Variants in ANO10 observed in about 807,000 individuals in gnomAD.
ANO10 encodes anoctamin 10.
In ANO10, 77 loss-of-function variants were observed where a neutral mutation model predicts 74.7. The ratio of observed to expected loss-of-function variants is 1.03; its 90% CI spans 0.86 to 1.25. ANO10 has a LOEUF of 1.25. Ranked by LOEUF, ANO10 falls within the 50% of genes most tolerant of loss-of-function variation. ANO10 has a pLI of 0.00. For synonymous variants in ANO10, 279 were observed against 284.9 expected, an observed-to-expected ratio of 0.98 and a Z score of 0.21; for missense variants, 721 against 778.1, an observed-to-expected ratio of 0.93 and a Z score of 0.87.
chr3:43,453,322 G>A (rs2074967707), intron 11 of ANO10, among the ~76,000 whole-genome samples: 1 of 151,828 alleles, frequency 6.6e-6, no homozygotes, highest in Non-Finnish European at 1.5e-5. Context: ...TGGGACTACA[G>A]GCACCCGCCA....
chr3:43,680,463 A>T (rs1273766563), intron 1 of ANO10, among the ~76,000 whole-genome samples: 1 of 152,228 alleles, frequency 6.6e-6, no homozygotes, highest in Non-Finnish European at 1.5e-5. Context: ...TGATTGCTGT[A>T]CCTGAAAGTG....
chr3:43,640,533 T>C (rs914568390), intron 1 of ANO10, among the ~76,000 whole-genome samples: 10 of 152,158 alleles, frequency 6.6e-5, no homozygotes, highest in Non-Finnish European at 1.0e-4. Context: ...ACCCATCCCA[T>C]GCACTAAAAA....
At chr3:43,578,416 C>G (rs1383250268) in intron 5 of ANO10, among the ~76,000 whole-genome samples, 2 of 152,160 alleles carry the variant, frequency 1.3e-5, no homozygotes, top group Non-Finnish European at 2.9e-5. Context: ...CATGCCTAGC[C>G]TTCACCATCG....
intron 12 of ANO10, among the ~76,000 whole-genome samples, chr3:43,403,851 G>A (rs1342990464): frequency 6.6e-6 from 1 of 152,076 alleles, no homozygotes; most frequent in Non-Finnish European, 1.5e-5. Context: ...TACCTGTGGT[G>A]GACACACCCT....
At chr3:43,392,591 G>A (rs769014006) in intron 12 of ANO10, among the ~76,000 whole-genome samples, 2 of 152,258 alleles carry the variant, frequency 1.3e-5, no homozygotes, top group East Asian at 3.9e-4. Context: ...GCTCACACAC[G>A]TGTGTTTATC....
intron 5 of ANO10, 79 bp downstream of exon 5, chr3:43,580,274 G>A (rs772062224): frequency 4.7e-5 from 75 of 1,588,736 alleles, no homozygotes; most frequent in Non-Finnish European, 6.1e-5. Flanking sequence ...TCTGCCCAAG[G>A]GAGCTGACTC....
At chr3:43,573,609 A>C (rs147199524) in intron 7 of ANO10, among the ~76,000 whole-genome samples, 1 of 152,344 alleles carries the variant, frequency 6.6e-6, no homozygotes, top group African/African-American at 2.4e-5. Flanking sequence ...CACTTATGTT[A>C]CAGATGACTG....
intron 11 of ANO10, among the ~76,000 whole-genome samples, chr3:43,503,457 A>T (rs181982837): frequency 1.3e-5 from 2 of 152,312 alleles, no homozygotes; most frequent in South Asian, 2.1e-4. Flanking sequence ...AGGCCCATAG[A>T]TCAAATGTGA....
At chr3:43,685,797 T>A (rs889782012) in intron 1 of ANO10, among the ~76,000 whole-genome samples, 3 of 152,276 alleles carry the variant, frequency 2.0e-5, no homozygotes, top group Non-Finnish European at 2.9e-5. Context: ...AAGGCTTTTT[T>A]CATCACTTTC....
intron 11 of ANO10, among the ~76,000 whole-genome samples, chr3:43,470,284 A>G (rs767830288): frequency 3.9e-5 from 6 of 152,222 alleles, no homozygotes; most frequent in Non-Finnish European, 7.3e-5. Flanking sequence ...AAAACTATAG[A>G]GACAGTGAAA....
At chr3:43,611,978 T>C (rs2082840076) in intron 1 of ANO10, among the ~76,000 whole-genome samples, 1 of 151,686 alleles carries the variant, frequency 6.6e-6, no homozygotes, top group Non-Finnish European at 1.5e-5. Flanking sequence ...AAATTCAAAG[T>C]TATCATAGAC....
rs569436863 is a variant in ANO10 at position 43,443,838 on chromosome 3, G to A, written c.1798-11111C>T. ...TGGGATTACAGGCATGCACCACCAC[G>A]CCTGGCTAATTTTTTTGTATTTTTA... is the stretch of plus-strand genomic sequence containing the variant. On this transcript the variant is annotated intron_variant, in intron 11 of 12. Transcript: ENST00000292246. 4.6e-5 allele frequency among the ~76,000 whole-genome samples: 7 copies of A among 151,628 alleles called. No homozygotes were observed. The East Asian group carries it at 1.2e-3, about 25-fold the overall frequency.
At chr3:43,644,810 G>A (rs540954412) in intron 1 of ANO10, among the ~76,000 whole-genome samples, 1 of 152,316 alleles carries the variant, frequency 6.6e-6, no homozygotes, top group African/African-American at 2.4e-5. Context: ...CTTCAGGCCT[G>A]GGCGGTAACA....
At chr3:43,691,019 C>G (rs1338412139) in intron 1 of ANO10, 1 of 1,565,292 alleles carries the variant, frequency 6.4e-7, no homozygotes, top group Admixed American at 1.8e-5. Context: ...AGGAGGTGGA[C>G]TCTGCCGACA....
chr3:43,662,908 C>T (rs1411816487), intron 1 of ANO10, among the ~76,000 whole-genome samples: 2 of 152,124 alleles, frequency 1.3e-5, no homozygotes, highest in African/African-American at 2.4e-5. Context: ...TAACAGCCTA[C>T]CAACCAAAAA....
At chr3:43,663,075 C>T (rs2083945269) in intron 1 of ANO10, among the ~76,000 whole-genome samples, 1 of 152,016 alleles carries the variant, frequency 6.6e-6, no homozygotes, top group Non-Finnish European at 1.5e-5. Flanking sequence ...GAAAGCCTGG[C>T]AGAGACACAA....
At chr3:43,608,370 G>C (rs2082656848) in intron 1 of ANO10, among the ~76,000 whole-genome samples, 1 of 152,076 alleles carries the variant, frequency 6.6e-6, no homozygotes, top group Non-Finnish European at 1.5e-5. Flanking sequence ...CCCTGAGACA[G>C]GGTCTCACTC....
intron 1 of ANO10, among the ~76,000 whole-genome samples, chr3:43,646,691 G>A (rs2083730075): frequency 6.6e-6 from 1 of 152,032 alleles, no homozygotes; most frequent in South Asian, 2.1e-4. Context: ...TTGTATTTTA[G>A]TAGAGACAAG....
intron 11 of ANO10, among the ~76,000 whole-genome samples, chr3:43,470,950 G>A (rs1405067635): frequency 6.6e-6 from 1 of 152,026 alleles, no homozygotes; most frequent in African/African-American, 2.4e-5. Context: ...TCTACGTTCT[G>A]CATAATTTTT....
Sources: allele counts gnomAD v4.1 joint callset (sites outside exome capture counted in the v4.1 genomes callset), GRCh38; gene constraint gnomAD v4.1.1; transcripts MANE v1.5; gene names NCBI Gene and HGNC (gene_info 2026-07-23, HGNC 2026-07-21).